CNIH3: variants seen among roughly 807,000 people sequenced by gnomAD.
CNIH3 encodes protein cornichon homolog 3.
In CNIH3, 14 loss-of-function variants were observed where a neutral mutation model predicts 24.1. The ratio of observed to expected loss-of-function variants is 0.58; its 90% confidence interval spans 0.38 to 0.91. The LOEUF is 0.91. CNIH3 is among the 40% of genes least tolerant of loss of function. The pLI is 0.00. For missense variants in CNIH3, 178 were observed against 196.8 expected, an observed-to-expected ratio of 0.90 and a Z score of 0.57; for synonymous variants, 68 against 73.8, an observed-to-expected ratio of 0.92 and a Z score of 0.40.
chr1:224,568,775 G>A (rs76287933), intron 4 of CNIH3, among the ~76,000 whole-genome samples: 6,081 of 152,212 alleles, frequency 0.04, 377 homozygotes, highest in African/African-American at 0.13. Context: ...AAGAATTACA[G>A]AAGAGTGAAC....
chr1:224,505,801 A>T (rs1041011538), intron 1 of CNIH3, among the ~76,000 whole-genome samples: 1 of 152,248 alleles, frequency 6.6e-6, no homozygotes, highest in Non-Finnish European at 1.5e-5. Context: ...TACCAACAGC[A>T]TATGAACCAT....
In CNIH3 at chr1:224,684,562, T is replaced by C. The variant is rs1486528217; in HGVS notation, c.151-234T>C. 6.6e-6 allele frequency among the ~76,000 whole-genome samples: 1 copy of C among 152,190 alleles called. No individual in the cohort carries two copies. On this transcript the variant is annotated intron_variant, in intron 2 of 5. Coordinates refer to ENST00000272133, the MANE Select transcript of CNIH3 (RefSeq NM_152495.2). The surrounding 1 kb of genome is among the most constrained non-coding windows in gnomAD (Gnocchi z 4.2). ...TGGACTGAGAGGGCAGTTGAGCCCA[T>C]GCTGTTTGCTGGGAGAGTTCTGCTA...
intron 1 of CNIH3, among the ~76,000 whole-genome samples, chr1:224,456,470 G>T (rs2102974629): frequency 6.6e-6 from 1 of 152,290 alleles, no homozygotes; most frequent in Admixed American, 6.5e-5. Context: ...GAGTGCGGTG[G>T]TGCAGTCACG....
intron 4 of CNIH3, chr1:224,574,308 A>G (rs1680943652): frequency 4.3e-6 from 1 of 233,642 alleles, no homozygotes; most frequent in Non-Finnish European, 8.2e-6. Context: ...CCACTGTCAC[A>G]GTAAGTATTT....
At chr1:224,455,457 A>T (rs1179434655) in intron 1 of CNIH3, among the ~76,000 whole-genome samples, 2 of 152,182 alleles carry the variant, frequency 1.3e-5, no homozygotes, top group Non-Finnish European at 1.5e-5. Flanking sequence ...CTTGTGACTG[A>T]TAGGAAGACT....
chr1:224,454,584 C>A (rs1675568614), intron 1 of CNIH3, among the ~76,000 whole-genome samples: 1 of 152,106 alleles, frequency 6.6e-6, no homozygotes, highest in Non-Finnish European at 1.5e-5. Flanking sequence ...AGGAAGGCTG[C>A]CCTTATGGGA....
chr1:224,653,665 G>T (rs114509357), intron 1 of CNIH3, among the ~76,000 whole-genome samples: 8 of 152,138 alleles, frequency 5.3e-5, no homozygotes, highest in African/African-American at 9.7e-5. Flanking sequence ...AACTGGTGAC[G>T]CTGTACAAAC....
chr1:224,672,225 G>A (rs1423669969), intron 1 of CNIH3, among the ~76,000 whole-genome samples: 1 of 151,966 alleles, frequency 6.6e-6, no homozygotes, highest in African/African-American at 2.4e-5. Flanking sequence ...GGAAGGTTTG[G>A]GGGGAGTATA....
rs974604513 is a variant in CNIH3 at position 224,730,462 on chromosome 1, C to G, written c.199C>G (p.Leu67Val). The G allele has an allele frequency of 5.2e-6, 8 of 1,550,320 alleles. No homozygotes were observed. The South Asian group carries it at 5.9e-5, about 12-fold the overall frequency. The change falls in exon 4 of 6, where the codon CTG (leucine) becomes GTG (valine). Residue 67 changes from leucine to valine, a missense_variant and splice_region_variant. Coordinates refer to ENST00000272133, the MANE Select transcript of CNIH3 (RefSeq NM_152495.2). ...GGCCGTGTCTCTGCTCCCTCTTCAG[C>G]TGGTGCTGCCAGAATACTCCATCCA... The part of the protein sequence containing the change: ...IERICFLLRK[L>V]VLPEYSIHSL...
At chr1:224,571,751 A>G (rs769754045) in intron 4 of CNIH3, among the ~76,000 whole-genome samples, 1 of 152,042 alleles carries the variant, frequency 6.6e-6, no homozygotes, top group Non-Finnish European at 1.5e-5. Flanking sequence ...AAAAACCCCA[A>G]GCAGGTCCAA....
intron 1 of CNIH3, among the ~76,000 whole-genome samples, chr1:224,638,852 C>T (rs1363820219): frequency 6.6e-6 from 1 of 152,176 alleles, no homozygotes; most frequent in Non-Finnish European, 1.5e-5. Context: ...ACCTCTGTAC[C>T]TGTAACATGC....
At chr1:224,710,817 C>T (rs1367399270) in intron 3 of CNIH3, among the ~76,000 whole-genome samples, 1 of 152,176 alleles carries the variant, frequency 6.6e-6, no homozygotes, top group Non-Finnish European at 1.5e-5. Flanking sequence ...GCTCAAGTGT[C>T]GTCTCTTCTA....
intron 1 of CNIH3, among the ~76,000 whole-genome samples, chr1:224,454,782 A>G (rs576063997): frequency 3.3e-4 from 50 of 152,290 alleles, no homozygotes; most frequent in Admixed American, 2.6e-4. Flanking sequence ...TACCTGGCTG[A>G]GTGCAGGGCT....
chr1:224,452,424 A>G (rs1442823435), intron 1 of CNIH3, among the ~76,000 whole-genome samples: 1 of 151,976 alleles, frequency 6.6e-6, no homozygotes, highest in Non-Finnish European at 1.5e-5. Flanking sequence ...TGCTGGGATT[A>G]TAGGTGTGAG....
At chr1:224,731,439 T>A (rs898852098) in intron 4 of CNIH3, among the ~76,000 whole-genome samples, 7 of 152,126 alleles carry the variant, frequency 4.6e-5, no homozygotes, top group African/African-American at 1.7e-4. Flanking sequence ...TGGGGGAATA[T>A]CTAAATAGTA....
At chr1:224,738,112 C>T (rs1019609153) in intron 5 of CNIH3, among the ~76,000 whole-genome samples, 8 of 152,236 alleles carry the variant, frequency 5.3e-5, no homozygotes, top group Non-Finnish European at 1.0e-4. Context: ...ACCTCTGCGT[C>T]TGCAGTGTCC....
intron 2 of CNIH3, 90 bp downstream of exon 2, chr1:224,681,116 T>G: frequency 9.1e-7 from 1 of 1,094,386 alleles, no homozygotes; most frequent in Non-Finnish European, 1.4e-6. Flanking sequence ...ATGATTTGAA[T>G]GCGTAAAGAA....
At chr1:224,570,474 C>T (rs1212994082) in intron 4 of CNIH3, among the ~76,000 whole-genome samples, 3 of 152,200 alleles carry the variant, frequency 2.0e-5, no homozygotes, top group South Asian at 2.1e-4. Context: ...CAGCTGCATC[C>T]ATGTTGCCAC....
intron 5 of CNIH3, among the ~76,000 whole-genome samples, chr1:224,735,446 C>A (rs1054509381): frequency 6.6e-6 from 1 of 152,056 alleles, no homozygotes; most frequent in Non-Finnish European, 1.5e-5. Flanking sequence ...GGGACTCTCA[C>A]CTGTCACTTG....
Sources: gnomAD v4.1 joint callset for allele counts (sites outside exome capture counted in the v4.1 genomes callset) on GRCh38, gnomAD v4.1.1 for gene constraint, Gnocchi (gnomAD v3.1) non-coding constraint, MANE v1.5 for transcripts, NCBI Gene and HGNC (gene_info 2026-07-23, HGNC 2026-07-21) for gene names.